SNX24: variants seen among roughly 807,000 people sequenced by gnomAD.
SNX24 encodes the protein sorting nexin-24.
Under a neutral mutation model 28.7 loss-of-function variants are expected in SNX24, and 22 were observed. That is an observed-to-expected ratio of 0.77 (90% CI 0.55 to 1.10). The LOEUF (loss-of-function observed/expected upper bound fraction) is 1.10. Among genes scored for constraint, SNX24 ranks in the 50% least tolerant of loss-of-function variants. The probability of loss-of-function intolerance (pLI) is 0.00; values close to 1 mark genes in which losing one functional copy is unlikely to be tolerated. For missense variants in SNX24, 221 were observed against 201.1 expected (o/e 1.10, Z -0.60); for synonymous variants, 69 against 71.5 (o/e 0.96, Z 0.18).
At chr5:123,025,658 C>G in intron 5 of SNX24, 1 of 974,666 alleles carries the variant, frequency 1.0e-6, no homozygotes. Context: ...ATTTATTCAC[C>G]TTTGAAGAGG....
chr5:122,864,588 T>A (rs1318895745), intron 1 of SNX24, among the ~76,000 whole-genome samples: 1 of 151,916 alleles, frequency 6.6e-6, no homozygotes, highest in Admixed American at 6.6e-5. Context: ...GAGCCAGGAG[T>A]GCTGATTGGT....
intron 2 of SNX24, among the ~76,000 whole-genome samples, chr5:122,944,947 C>G (rs1759620110): frequency 6.6e-6 from 1 of 152,060 alleles, no homozygotes; most frequent in East Asian, 1.9e-4. Context: ...CTTAAAGAGG[C>G]AGTGCATTAG....
intron 1 of SNX24, among the ~76,000 whole-genome samples, chr5:122,921,241 G>T (rs1201931027): frequency 6.6e-6 from 1 of 151,986 alleles, no homozygotes; most frequent in Non-Finnish European, 1.5e-5. Flanking sequence ...GGTCCCAGCA[G>T]CTTGCCTCTC....
At chr5:123,009,809 T>G (rs1290914119), downstream of SNX24, among the ~76,000 whole-genome samples, 1 of 152,160 alleles carries the variant, frequency 6.6e-6, no homozygotes, top group Non-Finnish European at 1.5e-5. Flanking sequence ...CAAGAACAAA[T>G]TCCAGAATGC....
Position 123,008,390 on chromosome 5 carries a change from T to A in SNX24, c.*641T>A. 1.5e-6 allele frequency: 1 copy of A among 666,516 alleles called. No homozygotes were observed. Among genetic ancestry groups the A allele is most frequent in the Non-Finnish European group, 1.9e-6 (1 of 538,824 alleles). The allele number at this position is 666,516 out of a possible 1,614,324, so 41.3% of individuals were successfully genotyped here. A position where few individuals can be genotyped will look rare whatever the true frequency, so the allele number is the denominator to read the frequency against. ...TTAGCTTCCAAGGTCAGTACATAGG[T>A]AAAATGGGCTATTAGGATGATCCTT... On this transcript the variant is annotated 3_prime_UTR_variant, in exon 7 of 7. Transcript: ENST00000261369.
chr5:122,951,282 A>G (rs1486487838), intron 3 of SNX24, among the ~76,000 whole-genome samples: 2 of 133,932 alleles, frequency 1.5e-5, no homozygotes, highest in African/African-American at 5.9e-5. Flanking sequence ...AAAAAAAAAA[A>G]GAAAAAGAAA....
At chr5:122,866,574 A>G (rs1320781033) in intron 1 of SNX24, among the ~76,000 whole-genome samples, 1 of 152,146 alleles carries the variant, frequency 6.6e-6, no homozygotes, top group African/African-American at 2.4e-5. Flanking sequence ...GGTCTGGGCT[A>G]TTAGTAGTCC....
rs1319011592 is a variant in SNX24, at chr5:122,854,128, A to T, written c.60+8435A>T. ...GGTATGAGGCTGTCCCCAGCACTAC[A>T]CAGATGAAAGGGAATTATTTTTTCT... On this transcript the variant is annotated intron_variant, in intron 1 of 6. Coordinates refer to ENST00000261369, the MANE Select transcript of SNX24 (RefSeq NM_014035.4). Among the ~76,000 whole-genome samples the T allele has an allele frequency of 2.6e-5, 4 of 151,946 alleles. No homozygotes were observed. The South Asian group carries it at 6.2e-4, about 24-fold the overall frequency.
intron 1 of SNX24, among the ~76,000 whole-genome samples, chr5:122,866,464 A>G (rs1215234929): frequency 1.3e-5 from 2 of 152,158 alleles, no homozygotes; most frequent in African/African-American, 2.4e-5. Flanking sequence ...TGGTATTTAT[A>G]AATACCTCTA....
chr5:122,855,407 C>T (rs1011598305), intron 1 of SNX24, among the ~76,000 whole-genome samples: 1 of 152,198 alleles, frequency 6.6e-6, no homozygotes. Context: ...TTTGCCCTAT[C>T]AGTTGACACT....
At chr5:122,861,157 T>C (rs1755443556) in intron 1 of SNX24, among the ~76,000 whole-genome samples, 2 of 151,944 alleles carry the variant, frequency 1.3e-5, no homozygotes, top group African/African-American at 4.8e-5. Context: ...CTGGCGAACG[T>C]GGTGAAACCC....
intron 1 of SNX24, among the ~76,000 whole-genome samples, chr5:122,914,091 G>A (rs1350423397): frequency 6.6e-6 from 1 of 152,202 alleles, no homozygotes; most frequent in East Asian, 1.9e-4. Flanking sequence ...GCATCAGAGG[G>A]AGACCATGGA....
intron 3 of SNX24, among the ~76,000 whole-genome samples, chr5:122,992,161 ATATAGT>A (rs1376098215): frequency 6.6e-6 from 1 of 152,218 alleles, no homozygotes; most frequent in African/African-American, 2.4e-5. Context: ...GAAATGAAAC[ATATAGT>A]CATTAAAATT....
downstream of SNX24, among the ~76,000 whole-genome samples, chr5:123,011,489 C>T (rs1180081952): frequency 3.3e-5 from 5 of 150,090 alleles, no homozygotes; most frequent in Non-Finnish European, 7.4e-5. Flanking sequence ...TTATAAGTTC[C>T]CATTGAAAAG....
chr5:123,006,090 C>T (rs1359009133), intron 6 of SNX24, among the ~76,000 whole-genome samples: 1 of 152,178 alleles, frequency 6.6e-6, no homozygotes, highest in African/African-American at 2.4e-5. Flanking sequence ...CAATAACTCA[C>T]CTAAGGTCAC....
chr5:122,859,289 A>G (rs937119525), intron 1 of SNX24, among the ~76,000 whole-genome samples: 9 of 117,250 alleles, frequency 7.7e-5, no homozygotes, highest in African/African-American at 2.5e-4. Flanking sequence ...TGCACAACAT[A>G]TGGAGATCCT....
intron 1 of SNX24, among the ~76,000 whole-genome samples, chr5:122,900,056 G>C (rs1378859413): frequency 6.6e-6 from 1 of 151,954 alleles, no homozygotes; most frequent in African/African-American, 2.4e-5. Context: ...GTCTTGCTCT[G>C]TTGCCCAGGC....
intron 1 of SNX24, among the ~76,000 whole-genome samples, chr5:122,888,192 G>C (rs1428670076): frequency 6.6e-6 from 1 of 152,056 alleles, no homozygotes; most frequent in African/African-American, 2.4e-5. Flanking sequence ...TTTGTTGACT[G>C]TTCTTCTATG....
intron 3 of SNX24, among the ~76,000 whole-genome samples, chr5:122,950,366 C>A (rs1759886253): frequency 6.6e-6 from 1 of 152,144 alleles, no homozygotes. Flanking sequence ...TCATCAAGCA[C>A]CTATGATGTT....
Sources: allele counts gnomAD v4.1 joint callset (sites outside exome capture counted in the v4.1 genomes callset), GRCh38; gene constraint gnomAD v4.1.1; transcripts MANE v1.5; gene names NCBI Gene and HGNC (gene_info 2026-07-23, HGNC 2026-07-21).